The following SBF2 variants were observed in gnomAD, a reference collection of about 807,000 sequenced individuals.
SBF2 encodes myotubularin-related protein 13.
SBF2 carries 112 observed loss-of-function variants against 225.2 expected under a neutral mutation model. That is an observed-to-expected ratio of 0.50 (90% CI 0.43 to 0.58). The LOEUF is 0.58. Ranked by LOEUF, SBF2 falls within the 20% of genes least tolerant of loss-of-function variation. The pLI is 0.00. For synonymous variants in SBF2, 763 were observed against 773.3 expected (o/e 0.99, Z 0.22); for missense variants, 1,996 against 2,206.2 (o/e 0.90, Z 1.91).
At chr11:10,270,716 G>C (rs1003431312) in intron 1 of SBF2, among the ~76,000 whole-genome samples, 1 of 152,044 alleles carries the variant, frequency 6.6e-6, no homozygotes, top group East Asian at 1.9e-4. Flanking sequence ...AAATGAGGAC[G>C]GGCGCGGTGG....
chr11:10,113,256 A>T (rs1281713469), intron 2 of SBF2, among the ~76,000 whole-genome samples: 3 of 152,212 alleles, frequency 2.0e-5, no homozygotes, highest in African/African-American at 7.2e-5. Context: ...AATCTCCCAA[A>T]GTGCTGGGAT....
chr11:9,960,803 T>A (rs1373954865), intron 16 of SBF2: 2 of 152,206 alleles, frequency 1.3e-5, no homozygotes, highest in Non-Finnish European at 2.9e-5. Context: ...TAGCTGGGAT[T>A]ACAGGCGCCT....
intron 1 of SBF2, among the ~76,000 whole-genome samples, chr11:10,286,491 C>T (rs1963803062): frequency 1.3e-5 from 2 of 151,886 alleles, no homozygotes; most frequent in South Asian, 4.2e-4. Context: ...TCCCACGTAG[C>T]TGGGATTACA....
intron 26 of SBF2, among the ~76,000 whole-genome samples, chr11:9,835,796 C>T (rs769127414): frequency 2.0e-5 from 3 of 152,034 alleles, no homozygotes; most frequent in African/African-American, 4.8e-5. Flanking sequence ...TTTGTACTCA[C>T]GTGTAGTTTG....
intron 2 of SBF2, among the ~76,000 whole-genome samples, chr11:10,167,669 C>T (rs1956024315): frequency 6.6e-6 from 1 of 152,180 alleles, no homozygotes; most frequent in South Asian, 2.1e-4. Context: ...AGATCATTTG[C>T]TTTTCTTAGA....
chr11:10,229,525 G>A (rs1038898440), intron 1 of SBF2, among the ~76,000 whole-genome samples: 18 of 152,050 alleles, frequency 1.2e-4, no homozygotes, highest in South Asian at 6.2e-4. Flanking sequence ...CTTCGTTCTT[G>A]TTGGTTTCAA....
At chr11:9,879,760 A>G (rs1859582249) in intron 17 of SBF2, among the ~76,000 whole-genome samples, 1 of 152,206 alleles carries the variant, frequency 6.6e-6, no homozygotes, top group African/African-American at 2.4e-5. Context: ...TAGAAGAATA[A>G]AAGTTCAGAC....
chr11:10,015,321 C>T (rs1296560797), intron 6 of SBF2, among the ~76,000 whole-genome samples: 1 of 152,158 alleles, frequency 6.6e-6, no homozygotes, highest in Non-Finnish European at 1.5e-5. Flanking sequence ...TTTTTAAAGT[C>T]TGTGGATGTA....
chr11:10,064,223 C>T (rs1326564099), intron 2 of SBF2, among the ~76,000 whole-genome samples: 1 of 152,004 alleles, frequency 6.6e-6, no homozygotes, highest in Non-Finnish European at 1.5e-5. Context: ...AGTACTCTTG[C>T]TGTATAGTTC....
chr11:9,791,501 A>C (rs1852741040), intron 33 of SBF2, among the ~76,000 whole-genome samples: 1 of 151,766 alleles, frequency 6.6e-6, no homozygotes, highest in South Asian at 2.1e-4. Flanking sequence ...ACTAATTAAC[A>C]GTTTCTTCTC....
chr11:10,042,951 T>G lies in SBF2; in HGVS notation c.172A>C (p.Arg58=). ...AAGAACGTTGGCTGCTTCCTCTCTC[T>G]GGACAGCTGCCACCCGCCAGGCTGA... The part of the protein sequence containing the change: ...FCQPGGWQLS[R]ERKQPTFFVV... Residue 58 remains arginine, a synonymous_variant, in exon 3 of 40, where the codon AGA becomes CGA. Coordinates refer to ENST00000256190, the MANE Select transcript of SBF2 (RefSeq NM_030962.4). The G allele has an allele frequency of 1.2e-6, 2 of 1,613,756 alleles. No individual in the cohort carries two copies. The highest frequency in any genetic ancestry group is 1.7e-6 in the Non-Finnish European group (2 of 1,179,822).
At chr11:10,077,176 T>C (rs1298436945) in intron 2 of SBF2, among the ~76,000 whole-genome samples, 1 of 152,136 alleles carries the variant, frequency 6.6e-6, no homozygotes, top group Non-Finnish European at 1.5e-5. Context: ...TGGAAGAACA[T>C]TCCATGCTCA....
intron 13 of SBF2, among the ~76,000 whole-genome samples, chr11:9,986,931 C>A (rs184605273): frequency 3.7e-4 from 56 of 152,228 alleles, no homozygotes; most frequent in Admixed American, 2.2e-3. Context: ...TTCTATGAAG[C>A]CAGCATCACC....
At chr11:9,790,440 G>A (rs1046907136) in intron 34 of SBF2, 116 bp downstream of exon 34, 2 of 841,310 alleles carry the variant, frequency 2.4e-6, no homozygotes, top group African/African-American at 1.7e-5. Flanking sequence ...TAGCTTTTTG[G>A]TATGAAACCT....
intron 14 of SBF2, among the ~76,000 whole-genome samples, chr11:9,967,947 G>GTCTGTCTCTC (rs57976016): frequency 7.0e-4 from 70 of 100,244 alleles, no homozygotes; most frequent in African/African-American, 2.1e-3. Flanking sequence ...CTGTCTGTCT[G>GTCTGTCTCTC]TCTCTCTCTC....
chr11:10,183,419 T>A (rs1228585359), intron 2 of SBF2, among the ~76,000 whole-genome samples: 2 of 152,208 alleles, frequency 1.3e-5, no homozygotes. Context: ...ATATACTATT[T>A]TTCAAGGTTT....
intron 1 of SBF2, among the ~76,000 whole-genome samples, chr11:10,258,077 C>CACAA (rs1158889232): frequency 7.0e-5 from 8 of 114,128 alleles, no homozygotes; most frequent in Non-Finnish European, 1.2e-4. Flanking sequence ...TAAATACACA[C>CACAA]ACATACACAC....
chr11:10,226,384 G>A (rs1368532482), intron 1 of SBF2, among the ~76,000 whole-genome samples: 3 of 151,166 alleles, frequency 2.0e-5, no homozygotes, highest in East Asian at 1.9e-4. Flanking sequence ...CAACGTGCAG[G>A]TTTGTAACAT....
chr11:10,175,348 T>C (rs372303705), intron 2 of SBF2, among the ~76,000 whole-genome samples: 11 of 149,736 alleles, frequency 7.3e-5, no homozygotes, highest in Admixed American at 3.3e-4. Flanking sequence ...CAAAAAAAGG[T>C]AGGGGTTGCA....
Sources: gnomAD v4.1 joint callset for allele counts (sites outside exome capture counted in the v4.1 genomes callset) on GRCh38, gnomAD v4.1.1 for gene constraint, MANE v1.5 for transcripts, NCBI Gene and HGNC (gene_info 2026-07-23, HGNC 2026-07-21) for gene names.